Variants in RCAN1 observed in about 807,000 individuals in gnomAD.
RCAN1 encodes the protein regulator of calcineurin 1.
Under a neutral mutation model 22.9 loss-of-function variants are expected in RCAN1, and 11 were observed. The ratio of observed to expected loss-of-function variants is 0.48; its 90% CI spans 0.30 to 0.79. RCAN1 has a LOEUF of 0.79. Ranked by LOEUF, RCAN1 falls within the 30% of genes least tolerant of loss-of-function variation. The pLI is 0.06. For missense variants in RCAN1, 291 were observed against 337.8 expected (o/e 0.86, Z 1.09); for synonymous variants, 136 against 142.3 (o/e 0.96, Z 0.32).
intron 1 of RCAN1, among the ~76,000 whole-genome samples, chr21:34,589,524 G>A (rs779804186): frequency 5.3e-5 from 8 of 152,192 alleles, no homozygotes; most frequent in East Asian, 1.9e-4. Flanking sequence ...GGTTAATTGC[G>A]TGTGTCAAAC....
chr21:34,545,782 T>G (rs2251280), intron 1 of RCAN1, among the ~76,000 whole-genome samples: 35,559 of 152,182 alleles, frequency 0.23, 5,136 homozygotes, highest in East Asian at 0.41. Flanking sequence ...TCGCAAGGAT[T>G]TTCAAATGCC....
At chr21:34,563,819 A>AGAGAGAGG (rs543543325) in intron 1 of RCAN1, among the ~76,000 whole-genome samples, 141 of 138,746 alleles carry the variant, frequency 1.0e-3, no homozygotes, top group Middle Eastern at 3.8e-3. Context: ...AGAGAGAGAG[A>AGAGAGAGG]GGCAGGCATG....
intron 1 of RCAN1, among the ~76,000 whole-genome samples, chr21:34,565,914 T>C (rs1986987181): frequency 6.6e-6 from 1 of 152,184 alleles, no homozygotes; most frequent in Non-Finnish European, 1.5e-5. Context: ...TGGGTTTTGC[T>C]CCCCAATGTG....
At position 34,533,240 on chromosome 21, in the gene RCAN1, G is replaced by A. The variant is rs546608131; in HGVS notation, c.253-9530C>T. On this transcript the variant is annotated intron_variant, in intron 1 of 3. Coordinates refer to ENST00000313806, the MANE Select transcript of RCAN1 (RefSeq NM_004414.7). Reference sequence around the variant, plus strand: ...CTCCCAAAGTGCTGGGATTACAGGCGTGAGCCACCGCGCCAGGCCCAAAAT... The same window carrying A: ...CTCCCAAAGTGCTGGGATTACAGGCATGAGCCACCGCGCCAGGCCCAAAAT... Among the ~76,000 whole-genome samples the A allele has an allele frequency of 3.5e-3, 537 of 152,302 alleles. 2 individuals are homozygous for A. The highest frequency in any genetic ancestry group is 0.012 in the African/African-American group (490 of 41,564).
chr21:34,525,587 T>C, intron 1 of RCAN1: 1 of 440,956 alleles, frequency 2.3e-6, no homozygotes, highest in Non-Finnish European at 3.9e-6. Context: ...TTGAAGAATA[T>C]TTTTAGAATA....
intron 1 of RCAN1, among the ~76,000 whole-genome samples, chr21:34,537,255 C>T (rs767710462): frequency 6.0e-5 from 9 of 149,818 alleles, no homozygotes; most frequent in Non-Finnish European, 8.8e-5. Context: ...TAGGTGTTCC[C>T]GTCAAGTGAC....
intron 1 of RCAN1, among the ~76,000 whole-genome samples, chr21:34,529,694 C>T (rs1369213913): frequency 6.6e-6 from 1 of 152,184 alleles, no homozygotes; most frequent in Non-Finnish European, 1.5e-5. Context: ...TTCTTGCTTG[C>T]TGGTTGGATG....
intron 1 of RCAN1, among the ~76,000 whole-genome samples, chr21:34,606,005 C>T (rs1988514693): frequency 6.6e-6 from 1 of 152,062 alleles, no homozygotes. Context: ...ATCAACAGTT[C>T]CTCACCTGTG....
chr21:34,538,536 C>T (rs192988374), intron 1 of RCAN1, among the ~76,000 whole-genome samples: 5 of 152,304 alleles, frequency 3.3e-5, no homozygotes, highest in African/African-American at 4.8e-5. Context: ...CGCTTCCAGA[C>T]TCTAAGACAG....
intron 1 of RCAN1, among the ~76,000 whole-genome samples, chr21:34,553,433 C>T (rs1027986882): frequency 6.6e-6 from 1 of 152,232 alleles, no homozygotes; most frequent in Non-Finnish European, 1.5e-5. Context: ...AGTCATGCCA[C>T]TTCCTGATAG....
chr21:34,614,827 T>A lies in RCAN1; in HGVS notation c.185A>T (p.Gln62Leu). 1 of 1,490,878 alleles carries A rather than the reference T, an allele frequency of 6.7e-7. No homozygotes were observed. The highest frequency in any genetic ancestry group is 8.9e-7 in the Non-Finnish European group (1 of 1,118,902). 92.4% of individuals were successfully genotyped at this position (1,490,878 alleles called of 1,614,324 possible). A position where few individuals can be genotyped will look rare whatever the true frequency, so the allele number is the denominator to read the frequency against. The change falls in exon 1 of 4, where the codon CAG becomes CTG. Residue 62 changes from glutamine to leucine, a missense_variant. By Grantham distance (113) the Gln-to-Leu change is moderately radical (BLOSUM62 -2). Transcript: ENST00000313806. This position sits in a 1 kb window ranked among gnomAD's most constrained non-coding sequence, Gnocchi z 6.0. ...IDCEMEEVDL[Q>L]DLPSATIACH... ...GGCGATGGTGGCGCTGGGCAGGTCC[T>A]GCAGGTCCACCTCCTCCATCTCGCA...
chr21:34,601,179 C>T (rs948713567), intron 1 of RCAN1, among the ~76,000 whole-genome samples: 6 of 152,218 alleles, frequency 3.9e-5, no homozygotes, highest in Admixed American at 1.3e-4. Flanking sequence ...GTCCCAGGAA[C>T]AGGTTAAGCA....
At chr21:34,532,458 C>G (rs1342729642) in intron 1 of RCAN1, among the ~76,000 whole-genome samples, 1 of 152,228 alleles carries the variant, frequency 6.6e-6, no homozygotes, top group Non-Finnish European at 1.5e-5. Context: ...AGTAGGTGAC[C>G]ACCTATGTGA....
chr21:34,606,126 G>A (rs915719100), intron 1 of RCAN1, among the ~76,000 whole-genome samples: 1 of 152,104 alleles, frequency 6.6e-6, no homozygotes, highest in African/African-American at 2.4e-5. Context: ...GTCTTGTGGA[G>A]TCCTGATAAG....
intron 3 of RCAN1, chr21:34,521,007 G>A (rs559163691): frequency 1.6e-5 from 16 of 1,025,564 alleles, no homozygotes; most frequent in Middle Eastern, 4.2e-4. Context: ...GCCCGACCGC[G>A]GCCCTTCCCT....
At chr21:34,539,202 A>G (rs1207817461) in intron 1 of RCAN1, among the ~76,000 whole-genome samples, 1 of 152,252 alleles carries the variant, frequency 6.6e-6, no homozygotes, top group African/African-American at 2.4e-5. Context: ...GTGGGCAAAC[A>G]TTAGATGCAA....
chr21:34,605,606 C>T (rs1052382810), intron 1 of RCAN1, among the ~76,000 whole-genome samples: 2 of 152,166 alleles, frequency 1.3e-5, no homozygotes, highest in African/African-American at 4.8e-5. Flanking sequence ...AAAATTCACT[C>T]GCATTAATGC....
At chr21:34,601,635 G>GT (rs1224762401) in intron 1 of RCAN1, among the ~76,000 whole-genome samples, 1 of 151,940 alleles carries the variant, frequency 6.6e-6, no homozygotes, top group Non-Finnish European at 1.5e-5. Context: ...TGGCTAACAC[G>GT]GTGAAACCCC....
chr21:34,577,352 C>T (rs565550784), intron 1 of RCAN1, among the ~76,000 whole-genome samples: 4 of 152,172 alleles, frequency 2.6e-5, no homozygotes, highest in African/African-American at 4.8e-5. Flanking sequence ...AATCCCAGCA[C>T]TTTGAGAGGT....
Sources: allele counts gnomAD v4.1 joint callset (sites outside exome capture counted in the v4.1 genomes callset), GRCh38; gene constraint gnomAD v4.1.1; non-coding constraint Gnocchi (gnomAD v3.1); transcripts MANE v1.5; gene names NCBI Gene and HGNC (gene_info 2026-07-23, HGNC 2026-07-21).